TBC1D1: variants seen among roughly 807,000 people sequenced by gnomAD.
TBC1D1 encodes the protein TBC1 (tre-2/USP6, BUB2, cdc16) domain family, member 1.
A neutral mutation model predicts 125.6 loss-of-function variants in TBC1D1; 89 were observed. That is an observed-to-expected ratio of 0.71 (90% confidence interval 0.60 to 0.85). The LOEUF is 0.85. TBC1D1 is among the 40% of genes least tolerant of loss of function. The probability of loss-of-function intolerance (pLI) is 0.00; values close to 1 mark genes in which losing one functional copy is unlikely to be tolerated. For synonymous variants in TBC1D1, 565 were observed against 564.1 expected (o/e 1.00, Z -0.02); for missense variants, 1,377 against 1,469.2 (o/e 0.94, Z 1.03).
intron 17 of TBC1D1, among the ~76,000 whole-genome samples, chr4:38,124,038 T>C (rs913378336): frequency 1.3e-5 from 2 of 152,262 alleles, no homozygotes; most frequent in African/African-American, 4.8e-5. Flanking sequence ...TCTTCCATTA[T>C]CTTTCAGCCA....
intron 8 of TBC1D1, among the ~76,000 whole-genome samples, chr4:38,038,491 C>T (rs1321144961): frequency 1.3e-5 from 2 of 152,124 alleles, no homozygotes; most frequent in Non-Finnish European, 2.9e-5. Context: ...CATCCCTAAA[C>T]ACTTTAGCAT....
chr4:38,026,178 ATTAT>A (rs1379857681), intron 6 of TBC1D1, among the ~76,000 whole-genome samples: 1 of 152,160 alleles, frequency 6.6e-6, no homozygotes, highest in Non-Finnish European at 1.5e-5. Context: ...TCACTTAAAT[ATTAT>A]TTCTGTGGTG....
At chr4:38,088,366 A>G (rs1578639154) in intron 12 of TBC1D1, among the ~76,000 whole-genome samples, 2 of 152,280 alleles carry the variant, frequency 1.3e-5, no homozygotes, top group East Asian at 3.9e-4. Flanking sequence ...ATTTTTTCTT[A>G]GTTTTTATTT....
chr4:37,974,612 C>T (rs780613298), intron 2 of TBC1D1, among the ~76,000 whole-genome samples: 4 of 152,042 alleles, frequency 2.6e-5, no homozygotes, highest in African/African-American at 7.2e-5. Context: ...GGCTGGAGTG[C>T]AGTGGCATGA....
chr4:38,118,962 G>A (rs1477372603), intron 17 of TBC1D1, among the ~76,000 whole-genome samples: 1 of 152,180 alleles, frequency 6.6e-6, no homozygotes, highest in African/African-American at 2.4e-5. Context: ...GGAACCGAGT[G>A]GAATGTTGTG....
chr4:38,033,647 C>T (rs1045361889), intron 7 of TBC1D1, among the ~76,000 whole-genome samples: 2 of 152,088 alleles, frequency 1.3e-5, no homozygotes, highest in Admixed American at 6.6e-5. Context: ...GTCATGTGCC[C>T]ATCATTACGG....
rs113569621 is a variant in TBC1D1 at position 38,044,535 on chromosome 4, G to A, written c.1542+45G>A. On this transcript the variant is annotated intron_variant, in intron 9 of 19. Transcript: ENST00000261439. ...CTGATTTAAGTTAAATCACTTTTTAGGAGAGTGTAAGATTGAGTTCTATGC... is the reference window on the plus strand; with the variant it reads ...CTGATTTAAGTTAAATCACTTTTTAAGAGAGTGTAAGATTGAGTTCTATGC... 1.2e-5 allele frequency: 19 copies of A among 1,579,326 alleles called. 1 individual carries two copies. Among genetic ancestry groups the A allele is most frequent in the African/African-American group, 6.8e-5 (5 of 73,648 alleles).
intron 2 of TBC1D1, 75 bp downstream of exon 2, chr4:37,902,587 T>A: frequency 8.5e-7 from 1 of 1,175,810 alleles, no homozygotes; most frequent in Non-Finnish European, 1.2e-6. Flanking sequence ...GGATATTTAT[T>A]TTAAGTATAC....
intron 2 of TBC1D1, among the ~76,000 whole-genome samples, chr4:37,908,885 C>T (rs11726078): frequency 0.27 from 40,596 of 151,996 alleles, 5,756 homozygotes; most frequent in African/African-American, 0.37. Flanking sequence ...ATGTAGAAAT[C>T]GACTTTATTA....
chr4:38,080,218 C>T (rs1223929017), intron 12 of TBC1D1, among the ~76,000 whole-genome samples: 1 of 152,216 alleles, frequency 6.6e-6, no homozygotes, highest in African/African-American at 2.4e-5. Flanking sequence ...CAGTGAGGTC[C>T]AAGCTGAGTA....
intron 2 of TBC1D1, among the ~76,000 whole-genome samples, chr4:37,914,454 A>C (rs1719280415): frequency 6.6e-6 from 1 of 152,036 alleles, no homozygotes; most frequent in South Asian, 2.1e-4. Flanking sequence ...AAATTATTCA[A>C]CCCATTGCAA....
chr4:37,946,221 C>T (rs1196131672), intron 2 of TBC1D1, among the ~76,000 whole-genome samples: 1 of 152,164 alleles, frequency 6.6e-6, no homozygotes, highest in Non-Finnish European at 1.5e-5. Context: ...TTTTCTATAA[C>T]AAAATTACAG....
chr4:38,080,999 T>C (rs907268859), intron 12 of TBC1D1, among the ~76,000 whole-genome samples: 3 of 152,190 alleles, frequency 2.0e-5, no homozygotes, highest in Admixed American at 6.5e-5. Context: ...TTATGATAGT[T>C]TTGCATAATT....
chr4:37,928,906 C>T (rs1166742993), intron 2 of TBC1D1, among the ~76,000 whole-genome samples: 1 of 152,158 alleles, frequency 6.6e-6, no homozygotes, highest in African/African-American at 2.4e-5. Flanking sequence ...TCATATGAAC[C>T]ACAGGCAAAA....
chr4:37,891,493 C>T (rs1713235734), intron 1 of TBC1D1, 145 bp downstream of exon 1: 1 of 151,950 alleles, frequency 6.6e-6, no homozygotes, highest in Non-Finnish European at 1.5e-5. Context: ...AGGCCAGGGT[C>T]TCTCGGGGGA....
intron 2 of TBC1D1, among the ~76,000 whole-genome samples, chr4:37,927,177 A>G (rs1014907758): frequency 1.3e-5 from 2 of 152,158 alleles, no homozygotes; most frequent in Non-Finnish European, 2.9e-5. Flanking sequence ...AGCTATTCAA[A>G]TTAACACAGA....
At chr4:38,079,945 C>T (rs1178758575) in intron 12 of TBC1D1, among the ~76,000 whole-genome samples, 1 of 152,218 alleles carries the variant, frequency 6.6e-6, no homozygotes, top group Non-Finnish European at 1.5e-5. Context: ...GCCAGAGATT[C>T]AACCTTTTGT....
chr4:37,940,098 A>G (rs1204958231), intron 2 of TBC1D1, among the ~76,000 whole-genome samples: 1 of 152,216 alleles, frequency 6.6e-6, no homozygotes. Context: ...CATTGAATCT[A>G]TAAATTACCT....
chr4:38,131,387 T>A (rs888411445), intron 18 of TBC1D1, among the ~76,000 whole-genome samples: 1 of 152,230 alleles, frequency 6.6e-6, no homozygotes, highest in African/African-American at 2.4e-5. Flanking sequence ...CATTTGTGGT[T>A]TTTACTGTTC....
Sources: gnomAD v4.1 joint callset for allele counts (sites outside exome capture counted in the v4.1 genomes callset) on GRCh38, gnomAD v4.1.1 for gene constraint, MANE v1.5 for transcripts, NCBI Gene and HGNC (gene_info 2026-07-23, HGNC 2026-07-21) for gene names.